Variants in TMEM132D observed in about 807,000 individuals in gnomAD.
TMEM132D encodes the protein transmembrane protein 132D.
TMEM132D carries 21 observed loss-of-function variants against 62.3 expected under a neutral mutation model. That is an observed-to-expected ratio of 0.34 (90% CI 0.24 to 0.49). The LOEUF (loss-of-function observed/expected upper bound fraction) is 0.49. Among genes scored for constraint, TMEM132D ranks in the 20% least tolerant of loss-of-function variants. The probability of loss-of-function intolerance (pLI) is 0.99; values close to 1 mark genes in which losing one functional copy is unlikely to be tolerated. For synonymous variants in TMEM132D, 621 were observed against 575.6 expected (o/e 1.08, Z -1.13); for missense variants, 1,346 against 1,402.8 (o/e 0.96, Z 0.65).
chr12:129,676,715 C>T (rs1004897484), intron 2 of TMEM132D, among the ~76,000 whole-genome samples: 2 of 152,204 alleles, frequency 1.3e-5, no homozygotes, highest in African/African-American at 4.8e-5. Context: ...GGCCCCACCT[C>T]CAACATTGTG....
chr12:129,561,642 A>G (rs989482996), intron 2 of TMEM132D, among the ~76,000 whole-genome samples: 3 of 152,236 alleles, frequency 2.0e-5, no homozygotes, highest in East Asian at 1.9e-4. Flanking sequence ...TTTCAACCCT[A>G]TGAGACAGAA....
intron 1 of TMEM132D, among the ~76,000 whole-genome samples, chr12:129,791,250 G>A (rs1361170535): frequency 6.6e-6 from 1 of 152,162 alleles, no homozygotes; most frequent in African/African-American, 2.4e-5. Context: ...ATTTTTATGT[G>A]AGTTGTGTCA....
At chr12:129,699,372 T>C (rs1328660363) in intron 2 of TMEM132D, among the ~76,000 whole-genome samples, 1 of 152,226 alleles carries the variant, frequency 6.6e-6, no homozygotes, top group Non-Finnish European at 1.5e-5. Context: ...AGAACTTACA[T>C]ATCTGGAATA....
At chr12:129,820,482 A>T (rs951137421) in intron 1 of TMEM132D, among the ~76,000 whole-genome samples, 1 of 152,186 alleles carries the variant, frequency 6.6e-6, no homozygotes, top group Admixed American at 6.5e-5. Flanking sequence ...ACCATACATT[A>T]TAAATATCTC....
At chr12:129,877,850 T>C (rs991519525) in intron 1 of TMEM132D, among the ~76,000 whole-genome samples, 1 of 152,332 alleles carries the variant, frequency 6.6e-6, no homozygotes. Context: ...TAAGGCTGCA[T>C]GAAATGATCT....
At chr12:129,619,664 A>C (rs1484464199) in intron 2 of TMEM132D, among the ~76,000 whole-genome samples, 5 of 152,132 alleles carry the variant, frequency 3.3e-5, no homozygotes. Flanking sequence ...TGCAGAACTA[A>C]ATTCTTTTAA....
intron 4 of TMEM132D, among the ~76,000 whole-genome samples, chr12:129,211,237 C>T (rs1461162242): frequency 1.3e-5 from 2 of 152,148 alleles, no homozygotes; most frequent in Admixed American, 6.5e-5. Context: ...TGCCACATTG[C>T]GTTTCTTCTG....
chr12:129,135,226 G>A (rs1184426448), intron 5 of TMEM132D, among the ~76,000 whole-genome samples: 1 of 152,168 alleles, frequency 6.6e-6, no homozygotes, highest in Admixed American at 6.5e-5. Context: ...GATCTCCTCT[G>A]CCTGCAGTTT....
At chr12:129,560,270 C>CTT (rs3046687) in intron 2 of TMEM132D, among the ~76,000 whole-genome samples, 99 of 146,120 alleles carry the variant, frequency 6.8e-4, no homozygotes, top group South Asian at 3.0e-3. Flanking sequence ...CTTTTGTTTT[C>CTT]TTTTTTTTTT....
At chr12:129,796,904 C>T (rs1871579536) in intron 1 of TMEM132D, among the ~76,000 whole-genome samples, 1 of 152,192 alleles carries the variant, frequency 6.6e-6, no homozygotes, top group African/African-American at 2.4e-5. Flanking sequence ...GTAGATCCAG[C>T]TCTTTTAATC....
intron 4 of TMEM132D, among the ~76,000 whole-genome samples, chr12:129,287,658 T>C (rs1672609911): frequency 6.6e-6 from 1 of 152,188 alleles, no homozygotes; most frequent in Admixed American, 6.5e-5. Context: ...TAACCTCACC[T>C]GTAACAGGAC....
intron 2 of TMEM132D, among the ~76,000 whole-genome samples, chr12:129,540,168 C>T (rs1254921849): frequency 1.3e-5 from 2 of 152,100 alleles, no homozygotes; most frequent in African/African-American, 4.8e-5. Context: ...TCTTCCCAAG[C>T]AGCTGGTTTG....
In TMEM132D at chr12:129,732,813, G is replaced by A. The variant is rs138257585; in HGVS notation, c.80-32115C>T. Among the ~76,000 whole-genome samples, 67 of 152,276 alleles carry A rather than the reference G, an allele frequency of 4.4e-4. No homozygotes were observed. The East Asian group carries it at 0.012, about 28-fold the overall frequency. Reference sequence around the variant, plus strand: ...CCTTGATTACAGCATGGGAATCTGGGGCCAGGCCCACACCCAGGGAGGGGA... The same window carrying A: ...CCTTGATTACAGCATGGGAATCTGGAGCCAGGCCCACACCCAGGGAGGGGA... On this transcript the variant is annotated intron_variant, in intron 1 of 8. Coordinates refer to ENST00000422113, the MANE Select transcript of TMEM132D (RefSeq NM_133448.3).
At chr12:129,592,413 TC>T (rs1445443938) in intron 2 of TMEM132D, among the ~76,000 whole-genome samples, 5 of 152,238 alleles carry the variant, frequency 3.3e-5, no homozygotes, top group African/African-American at 9.6e-5. Context: ...TTTGAAATCT[TC>T]CCTTTCACAG....
At chr12:129,320,630 T>C (rs1327161405) in intron 4 of TMEM132D, among the ~76,000 whole-genome samples, 7 of 152,198 alleles carry the variant, frequency 4.6e-5, no homozygotes, top group African/African-American at 1.7e-4. Context: ...GTCATAGATA[T>C]GTTTTAAGTA....
At chr12:129,235,028 T>C (rs1160655286) in intron 4 of TMEM132D, among the ~76,000 whole-genome samples, 1 of 151,402 alleles carries the variant, frequency 6.6e-6, no homozygotes, top group African/African-American at 2.5e-5. Flanking sequence ...ATAACTTTAA[T>C]AAAAATTCTA....
chr12:129,500,600 C>T (rs1002753621), intron 3 of TMEM132D, among the ~76,000 whole-genome samples: 1 of 152,178 alleles, frequency 6.6e-6, no homozygotes, highest in Non-Finnish European at 1.5e-5. Context: ...TTACGTCCCT[C>T]GTTCAACTTT....
In TMEM132D at chr12:129,371,098, A is replaced by T. The variant is rs535334333; in HGVS notation, c.1116-33281T>A. Among the ~76,000 whole-genome samples the T allele has an allele frequency of 2.6e-5, 4 of 152,362 alleles. No homozygotes were observed. The highest frequency in any genetic ancestry group is 9.6e-5 in the African/African-American group (4 of 41,590). On this transcript the variant is annotated intron_variant, in intron 3 of 8. Transcript: ENST00000422113. The surrounding 1 kb of genome is among the most constrained non-coding windows in gnomAD (Gnocchi z 4.3). ...TGATAGACCCAATTACCTTGATTCG[A>T]TCATTATATTGTTGTAGGTACCACC...
At chr12:129,843,984 A>T (rs1034107527) in intron 1 of TMEM132D, among the ~76,000 whole-genome samples, 6 of 152,044 alleles carry the variant, frequency 3.9e-5, no homozygotes, top group African/African-American at 1.4e-4. Flanking sequence ...GCCTGTAGTT[A>T]TAACTACATG....
Sources: allele counts gnomAD v4.1 joint callset (sites outside exome capture counted in the v4.1 genomes callset), GRCh38; gene constraint gnomAD v4.1.1; non-coding constraint Gnocchi (gnomAD v3.1); transcripts MANE v1.5; gene names NCBI Gene and HGNC (gene_info 2026-07-23, HGNC 2026-07-21).